ERG: variants seen among roughly 807,000 people sequenced by gnomAD.
ERG encodes transcriptional regulator ERG.
A neutral mutation model predicts 55.3 loss-of-function variants in ERG; 9 were observed. The observed-to-expected ratio is 0.16, with a 90% CI of 0.10 to 0.28. The LOEUF (loss-of-function observed/expected upper bound fraction) is 0.28, where lower values mean the gene tolerates loss of function less well. Among genes scored for constraint, ERG ranks in the 10% least tolerant of loss-of-function variants. ERG has a pLI of 1.00. For synonymous variants in ERG, 223 were observed against 237.3 expected (o/e 0.94, Z 0.55); for missense variants, 434 against 631.6 (o/e 0.69, Z 3.35).
At position 38,647,817 on chromosome 21, in the gene ERG, T is replaced by C. The variant is rs2060466002; in HGVS notation, c.-150+13841A>G. On this transcript the variant is annotated intron_variant, in intron 1 of 10. Coordinates refer to the ERG transcript ENST00000398910. ...CACTCTTTAACAAGTCACATACACG[T>C]CACCTCCTATTTTAGAAGCCAATGG... Among the ~76,000 whole-genome samples the C allele has an allele frequency of 2.0e-5, 3 of 152,192 alleles. No individual in the cohort carries two copies. In the South Asian group the frequency reaches 6.2e-4, roughly 31 times the overall value.
In ERG at chr21:38,381,981, G is replaced by C; in HGVS notation, c.*1422C>G. ...AACATTCAGCACATGTTTTCATTAA[G>C]CAACTTTAGTCACTAAAAAAAGTGC... is the stretch of plus-strand genomic sequence containing the variant. On this transcript the variant is annotated 3_prime_UTR_variant, in exon 10 of 10. Coordinates refer to ENST00000288319, the MANE Select transcript of ERG (RefSeq NM_182918.4). 1 of 1,061,666 alleles carries C rather than the reference G, an allele frequency of 9.4e-7. No individual in the cohort carries two copies. Among genetic ancestry groups the C allele is most frequent in the Non-Finnish European group, 1.1e-6 (1 of 876,796 alleles). The allele number at this position is 1,061,666 out of a possible 1,614,324, so 65.8% of individuals were successfully genotyped here. A position where few individuals can be genotyped will look rare whatever the true frequency, so the allele number is the denominator to read the frequency against.
chr21:38,382,779 G>C lies in ERG; in HGVS notation c.*624C>G, dbSNP rs1461186983. The C allele has an allele frequency of 9.4e-7, 1 of 1,065,958 alleles. No individual in the cohort carries two copies. Among genetic ancestry groups the C allele is most frequent in the Non-Finnish European group, 1.1e-6 (1 of 879,556 alleles). 66.0% of individuals were successfully genotyped at this position (1,065,958 alleles called of 1,614,324 possible). A position where few individuals can be genotyped will look rare whatever the true frequency, so the allele number is the denominator to read the frequency against. ...TTTAGTTCATAGTCCCGGTAATACT[G>C]TAAAGGAGTTGGAAACTTTGGGTCA... On this transcript the variant is annotated 3_prime_UTR_variant, in exon 10 of 10. Coordinates refer to ENST00000288319, the MANE Select transcript of ERG (RefSeq NM_182918.4).
intron 1 of ERG, among the ~76,000 whole-genome samples, chr21:38,497,326 C>T (rs1443442510): frequency 6.6e-6 from 1 of 152,208 alleles, no homozygotes; most frequent in Non-Finnish European, 1.5e-5. Flanking sequence ...AAACTAAAAG[C>T]CTTATGAAAA....
chr21:38,575,846 AT>A, intron 1 of ERG: 1 of 888,444 alleles, frequency 1.1e-6, no homozygotes, highest in South Asian at 1.5e-5. Flanking sequence ...TGGCAAAAGA[AT>A]CATAGCTTTA....
intron 1 of ERG, among the ~76,000 whole-genome samples, chr21:38,480,356 C>G (rs899851324): frequency 1.3e-5 from 2 of 152,082 alleles, no homozygotes; most frequent in African/African-American, 2.4e-5. Context: ...TGCAGGCAAC[C>G]CCCGGAGCTG....
chr21:38,489,428 C>T (rs1219717134), intron 1 of ERG, among the ~76,000 whole-genome samples: 2 of 152,194 alleles, frequency 1.3e-5, no homozygotes, highest in Non-Finnish European at 2.9e-5. Context: ...CATTTTATGT[C>T]TTTTCTCCTA....
At chr21:38,506,087 A>C (rs2059458670) in intron 2 of ERG, among the ~76,000 whole-genome samples, 1 of 152,148 alleles carries the variant, frequency 6.6e-6, no homozygotes, top group Non-Finnish European at 1.5e-5. Flanking sequence ...TTTTAGGAGC[A>C]AACATGAATT....
At chr21:38,656,889 T>TC (rs560779525) in intron 1 of ERG, among the ~76,000 whole-genome samples, 364 of 152,162 alleles carry the variant, frequency 2.4e-3, no homozygotes, top group South Asian at 4.6e-3. Flanking sequence ...AGACAGCTTT[T>TC]CCCCCCCGAG....
chr21:38,373,872 G>T, the ERG span, among the ~76,000 whole-genome samples: 3 of 150,156 alleles, frequency 2.0e-5, 1 homozygote, highest in Middle Eastern at 6.4e-3. Context: ...TAAGCTCTTT[G>T]TAAACTATTT....
chr21:38,513,339 C>CA (rs1463124138), intron 2 of ERG, among the ~76,000 whole-genome samples: 1 of 151,864 alleles, frequency 6.6e-6, no homozygotes. Context: ...TTGAGTTCCC[C>CA]AAAAACAGGG....
chr21:38,485,037 G>T (rs1404662200), intron 1 of ERG, among the ~76,000 whole-genome samples: 2 of 151,692 alleles, frequency 1.3e-5, no homozygotes, highest in Non-Finnish European at 2.9e-5. Context: ...TTGTAAAACA[G>T]CCTCAGGCAG....
intron 1 of ERG, among the ~76,000 whole-genome samples, chr21:38,645,529 C>T (rs1356173932): frequency 6.6e-6 from 1 of 152,188 alleles, no homozygotes; most frequent in Non-Finnish European, 1.5e-5. Flanking sequence ...CTGGGTTCCA[C>T]GTGACCATGA....
intron 1 of ERG, among the ~76,000 whole-genome samples, chr21:38,470,026 T>C (rs1332212527): frequency 6.6e-6 from 1 of 152,210 alleles, no homozygotes; most frequent in Non-Finnish European, 1.5e-5. Context: ...GCCATTAAAC[T>C]GTAAGCTCCT....
At chr21:38,643,235 G>A (rs1242486215) in intron 1 of ERG, among the ~76,000 whole-genome samples, 1 of 152,204 alleles carries the variant, frequency 6.6e-6, no homozygotes, top group East Asian at 1.9e-4. Flanking sequence ...AATCAGGCAG[G>A]ATACCAGAGC....
intron 2 of ERG, among the ~76,000 whole-genome samples, chr21:38,533,941 A>AT (rs1019301546): frequency 6.6e-6 from 1 of 151,936 alleles, no homozygotes; most frequent in African/African-American, 2.4e-5. Flanking sequence ...AAATAGAGCC[A>AT]TTTTTTTTCT....
intron 1 of ERG, among the ~76,000 whole-genome samples, chr21:38,589,972 T>C (rs1873248908): frequency 6.6e-6 from 1 of 152,184 alleles, no homozygotes; most frequent in Non-Finnish European, 1.5e-5. Flanking sequence ...ACCATCTGTA[T>C]CCATAGTCAC....
Position 38,380,663 on chromosome 21 carries a change from TTTAAGAA to T in ERG, c.*2733_*2739del. The T allele has an allele frequency of 9.4e-7, 1 of 1,065,032 alleles. No homozygotes were observed. The allele number at this position is 1,065,032 out of a possible 1,614,324, so 66.0% of individuals were successfully genotyped here. On this transcript the variant is annotated 3_prime_UTR_variant, in exon 10 of 10. Transcript: ENST00000288319. ...GAGAGTTAATGCCATTTTGAAACAA[TTTAAGAA>T]TTATGTATTTGAAGGAACTCAGTAT...
At chr21:38,636,877 A>C (rs1285701121) in intron 1 of ERG, among the ~76,000 whole-genome samples, 2 of 152,232 alleles carry the variant, frequency 1.3e-5, no homozygotes, top group Non-Finnish European at 2.9e-5. Flanking sequence ...ATTCAAAAAT[A>C]TTTATTAGGT....
the ERG span, among the ~76,000 whole-genome samples, chr21:38,373,284 T>A: frequency 6.6e-6 from 1 of 152,256 alleles, no homozygotes; most frequent in Non-Finnish European, 1.5e-5. Context: ...ATCTCTCTCG[T>A]TTTGCTACTC....
Sources: gnomAD v4.1 joint callset for allele counts (sites outside exome capture counted in the v4.1 genomes callset) on GRCh38, gnomAD v4.1.1 for gene constraint, MANE v1.5 for transcripts, NCBI Gene and HGNC (gene_info 2026-07-23, HGNC 2026-07-21) for gene names.